DISC1: variants seen among roughly 807,000 people sequenced by gnomAD.
The protein encoded by DISC1 is disrupted in schizophrenia 1 protein.
A neutral mutation model predicts 84.5 loss-of-function variants in DISC1; 57 were observed. That is an observed-to-expected ratio of 0.67 (90% CI 0.55 to 0.84). The LOEUF is 0.84. Among genes scored for constraint, DISC1 ranks in the 40% least tolerant of loss-of-function variants. The pLI is 0.00. For synonymous variants in DISC1, 411 were observed against 415.2 expected (o/e 0.99, Z 0.12); for missense variants, 1,000 against 1,057.8 (o/e 0.95, Z 0.76).
intron 10 of DISC1, among the ~76,000 whole-genome samples, chr1:232,007,083 G>A (rs1385496862): frequency 6.6e-6 from 1 of 152,220 alleles, no homozygotes; most frequent in Non-Finnish European, 1.5e-5. Flanking sequence ...CTAGATTTCA[G>A]AGGATGTATG....
At chr1:231,813,260 C>G (rs1262220715) in intron 8 of DISC1, 1 of 152,234 alleles carries the variant, frequency 6.6e-6, no homozygotes, top group African/African-American at 2.4e-5. Flanking sequence ...CATATTCTGC[C>G]TGATGTCTCT....
At chr1:231,683,424 GATT>G (rs1558320593) in intron 1 of DISC1, among the ~76,000 whole-genome samples, 1 of 129,102 alleles carries the variant, frequency 7.7e-6, no homozygotes. Flanking sequence ...ATACCACCAT[GATT>G]TTTTTTTTTT....
chr1:231,788,490 T>C (rs1039914846), intron 6 of DISC1, among the ~76,000 whole-genome samples: 1 of 152,186 alleles, frequency 6.6e-6, no homozygotes, highest in Non-Finnish European at 1.5e-5. Context: ...GTATGGTTGA[T>C]CTTAACTCAA....
chr1:231,824,893 T>TCCATCCATCCATCCATCCATCCAC (rs2081749665), intron 9 of DISC1, among the ~76,000 whole-genome samples: 2 of 144,212 alleles, frequency 1.4e-5, no homozygotes, highest in African/African-American at 5.8e-5. Context: ...CATCCATCCA[T>TCCATCCATCCATCCATCCATCCAC]CCATCCATCC....
intron 1 of DISC1, among the ~76,000 whole-genome samples, chr1:231,651,206 C>T (rs1172495466): frequency 1.3e-5 from 2 of 152,216 alleles, no homozygotes; most frequent in Non-Finnish European, 2.9e-5. Flanking sequence ...GTGGTTTTAT[C>T]TACCTTTGGT....
At chr1:231,871,385 C>T (rs61836970) in intron 9 of DISC1, among the ~76,000 whole-genome samples, 58,203 of 152,010 alleles carry the variant, frequency 0.38, 11,384 homozygotes, top group East Asian at 0.51. Context: ...GGGGAAGAAT[C>T]ACAATTATCC....
intron 9 of DISC1, among the ~76,000 whole-genome samples, chr1:231,834,160 G>A (rs545024318): frequency 6.6e-6 from 1 of 152,126 alleles, no homozygotes; most frequent in African/African-American, 2.4e-5. Flanking sequence ...CTGGGCAGGT[G>A]GGGGAGGGCT....
At chr1:231,824,073 G>A (rs1022629800) in intron 9 of DISC1, among the ~76,000 whole-genome samples, 41 of 152,118 alleles carry the variant, frequency 2.7e-4, no homozygotes, top group African/African-American at 8.0e-4. Context: ...CCTAAAAAGT[G>A]GCTGGAGAAC....
chr1:231,986,513 C>G (rs779694988), intron 10 of DISC1, among the ~76,000 whole-genome samples: 1 of 152,108 alleles, frequency 6.6e-6, no homozygotes, highest in African/African-American at 2.4e-5. Context: ...TAGAATGAGC[C>G]GTAACATCCC....
chr1:231,821,363 G>A (rs2081481945), intron 9 of DISC1, among the ~76,000 whole-genome samples: 1 of 152,146 alleles, frequency 6.6e-6, no homozygotes, highest in African/African-American at 2.4e-5. Context: ...GAACAATACG[G>A]TGATAGAAAA....
chr1:231,845,936 G>C (rs893025653), intron 9 of DISC1, among the ~76,000 whole-genome samples: 1 of 152,156 alleles, frequency 6.6e-6, no homozygotes, highest in African/African-American at 2.4e-5. Context: ...GGTGATGCAA[G>C]GATGGCGGCA....
At chr1:231,672,221 A>G (rs1167969349) in intron 1 of DISC1, among the ~76,000 whole-genome samples, 10 of 152,106 alleles carry the variant, frequency 6.6e-5, no homozygotes, top group Non-Finnish European at 1.5e-4. Context: ...CTCAAGGTCT[A>G]TTGAGTATAT....
At chr1:231,692,845 G>A (rs893148172) in intron 1 of DISC1, among the ~76,000 whole-genome samples, 9 of 152,176 alleles carry the variant, frequency 5.9e-5, no homozygotes, top group South Asian at 2.1e-4. Context: ...CTATAGTTTC[G>A]GGTCGGATTG....
chr1:231,924,044 G>T (rs902737115), intron 9 of DISC1, among the ~76,000 whole-genome samples: 2 of 152,148 alleles, frequency 1.3e-5, no homozygotes, highest in African/African-American at 4.8e-5. Flanking sequence ...CTTAAGGGTC[G>T]CTTATTTCAA....
intron 1 of DISC1, among the ~76,000 whole-genome samples, chr1:231,635,493 T>C (rs2059121072): frequency 6.6e-6 from 1 of 152,232 alleles, no homozygotes; most frequent in Admixed American, 6.5e-5. Context: ...TCTGTTATAG[T>C]TTGTTATGGA....
intron 9 of DISC1, among the ~76,000 whole-genome samples, chr1:231,930,086 A>G (rs766336110): frequency 6.6e-6 from 1 of 152,238 alleles, no homozygotes; most frequent in Non-Finnish European, 1.5e-5. Flanking sequence ...TTTGGGATCA[A>G]CCAGGCTCTC....
rs182577038 is a variant in DISC1, at chr1:231,660,153, T to C, written c.67+33219T>C. 3.3e-4 allele frequency among the ~76,000 whole-genome samples: 51 copies of C among 152,294 alleles called. 1 individual carries two copies. In the East Asian group the frequency reaches 9.6e-3, roughly 29 times the overall value. On this transcript the variant is annotated intron_variant, in intron 1 of 12. Coordinates refer to ENST00000439617, the MANE Select transcript of DISC1 (RefSeq NM_018662.3). ...GAAGAACTTGCTTTATGAATCTGGG[T>C]GCTCCTATATTGGATGCATATATAT...
intron 9 of DISC1, among the ~76,000 whole-genome samples, chr1:231,906,832 G>GA (rs939758190): frequency 1.8e-4 from 27 of 146,204 alleles, no homozygotes; most frequent in Non-Finnish European, 2.3e-4. Flanking sequence ...AAGAAGAAAG[G>GA]AAAAAAAAAA....
At chr1:231,680,874 CTG>C (rs2063620346) in intron 1 of DISC1, among the ~76,000 whole-genome samples, 1 of 152,178 alleles carries the variant, frequency 6.6e-6, no homozygotes, top group Non-Finnish European at 1.5e-5. Flanking sequence ...AAAAAGGTAA[CTG>C]TGAACTTTAC....
Sources: allele counts gnomAD v4.1 joint callset (sites outside exome capture counted in the v4.1 genomes callset), GRCh38; gene constraint gnomAD v4.1.1; transcripts MANE v1.5; gene names NCBI Gene and HGNC (gene_info 2026-07-23, HGNC 2026-07-21).